The following NUP210L variants were observed in gnomAD, a reference collection of about 807,000 sequenced individuals.
NUP210L encodes the protein nucleoporin 210 like, also known as nuclear pore membrane glycoprotein 210-like.
In NUP210L, 74 loss-of-function variants were observed where a neutral mutation model predicts 208.5. That is an observed-to-expected ratio of 0.35 (90% CI 0.29 to 0.43). The LOEUF is 0.43. NUP210L is among the 20% of genes least tolerant of loss of function. NUP210L has a pLI of 1.00. For missense variants in NUP210L, 1,843 were observed against 2,289.4 expected (o/e 0.81, Z 3.98); for synonymous variants, 780 against 816.9 (o/e 0.95, Z 0.77).
intron 7 of NUP210L, among the ~76,000 whole-genome samples, chr1:154,134,667 G>C (rs1333285830): frequency 1.4e-5 from 2 of 140,618 alleles, no homozygotes; most frequent in Non-Finnish European, 3.0e-5. Context: ...AACCCCGGGG[G>C]CGGAGCCTGC....
chr1:154,092,062 T>C (rs1655947674), intron 15 of NUP210L, among the ~76,000 whole-genome samples: 1 of 148,546 alleles, frequency 6.7e-6, no homozygotes, highest in Admixed American at 6.8e-5. Flanking sequence ...GAAGCAGAAA[T>C]GGGGAGCCAT....
At chr1:154,119,607 CAAAA>C (rs1296833072) in intron 10 of NUP210L, among the ~76,000 whole-genome samples, 1 of 151,866 alleles carries the variant, frequency 6.6e-6, no homozygotes, top group East Asian at 1.9e-4. Flanking sequence ...AACAAACAAA[CAAAA>C]AACCAAATAA....
In NUP210L at chr1:154,151,821, G is replaced by A. The variant is rs1305107974; in HGVS notation, c.340+915C>T. 6.6e-5 allele frequency among the ~76,000 whole-genome samples: 10 copies of A among 152,104 alleles called. No individual in the cohort carries two copies. In the South Asian group the frequency reaches 1.9e-3, roughly 28 times the overall value. On this transcript the variant is annotated intron_variant, in intron 2 of 39. Transcript: ENST00000368559. ...GAGAAAATGCTGTCCGGGCACGGTG[G>A]CTCACACCTATAATCCCAGCACTTT...
chr1:154,062,567 CTTTT>C (rs34499821), intron 17 of NUP210L, among the ~76,000 whole-genome samples: 3 of 74,992 alleles, frequency 4.0e-5, no homozygotes, highest in African/African-American at 1.1e-4. Flanking sequence ...TTTCTTTTTC[CTTTT>C]TTTTTTTTTT....
intron 27 of NUP210L, among the ~76,000 whole-genome samples, chr1:154,034,769 T>C (rs776331627): frequency 2.2e-4 from 33 of 152,200 alleles, no homozygotes; most frequent in Non-Finnish European, 3.8e-4. Context: ...GGTTTTCCAA[T>C]TTATTGGCTC....
intron 27 of NUP210L, among the ~76,000 whole-genome samples, chr1:154,036,854 T>C (rs1196651609): frequency 6.6e-6 from 1 of 150,834 alleles, no homozygotes; most frequent in Non-Finnish European, 1.5e-5. Flanking sequence ...CCTCTGCCTC[T>C]TGGGGTCAAG....
At chr1:154,048,497 C>T (rs1427539732) in intron 25 of NUP210L, among the ~76,000 whole-genome samples, 2 of 152,130 alleles carry the variant, frequency 1.3e-5, no homozygotes, top group African/African-American at 4.8e-5. Flanking sequence ...AAAAGGAAAA[C>T]ATTGGACTAA....
intron 16 of NUP210L, among the ~76,000 whole-genome samples, chr1:154,089,000 T>A (rs979291540): frequency 1.3e-5 from 2 of 152,164 alleles, no homozygotes; most frequent in African/African-American, 4.8e-5. Flanking sequence ...ATATTGTTAA[T>A]AAAAGATTTG....
At chr1:154,142,689 G>A (rs3001362) in intron 3 of NUP210L, among the ~76,000 whole-genome samples, 62,472 of 150,776 alleles carry the variant, frequency 0.41, 13,601 homozygotes, top group Non-Finnish European at 0.5. Flanking sequence ...CCAGGAGTTC[G>A]AGACCAGCCT....
At chr1:154,105,451 T>C (rs1656706147) in intron 12 of NUP210L, among the ~76,000 whole-genome samples, 1 of 148,842 alleles carries the variant, frequency 6.7e-6, no homozygotes, top group Non-Finnish European at 1.5e-5. Flanking sequence ...ATCACGCCAC[T>C]GCACTCCAGC....
intron 33 of NUP210L, among the ~76,000 whole-genome samples, chr1:154,016,759 C>T (rs1651268999): frequency 6.6e-6 from 1 of 152,054 alleles, no homozygotes; most frequent in African/African-American, 2.4e-5. Context: ...GCATGGGCAA[C>T]ATGGTGAAAT....
chr1:154,035,749 G>A (rs1249033003), intron 27 of NUP210L, among the ~76,000 whole-genome samples: 3 of 147,236 alleles, frequency 2.0e-5, no homozygotes, highest in African/African-American at 7.5e-5. Context: ...TTTCTTTTTT[G>A]GGGGGATGGA....
intron 10 of NUP210L, among the ~76,000 whole-genome samples, chr1:154,120,625 A>G (rs906346023): frequency 4.0e-5 from 6 of 149,818 alleles, no homozygotes; most frequent in African/African-American, 1.5e-4. Context: ...TTAAAGTATA[A>G]TAATTAAAAA....
intron 10 of NUP210L, among the ~76,000 whole-genome samples, chr1:154,119,489 GAGAC>G (rs1657500641): frequency 6.6e-6 from 1 of 152,262 alleles, no homozygotes; most frequent in South Asian, 2.1e-4. Flanking sequence ...TTGGGAGGCT[GAGAC>G]AGGAGAATTG....
intron 27 of NUP210L, among the ~76,000 whole-genome samples, chr1:154,034,594 G>C (rs904544576): frequency 6.6e-6 from 1 of 152,190 alleles, no homozygotes; most frequent in African/African-American, 2.4e-5. Context: ...CTCCCAAAGT[G>C]CTGGGATTAC....
At chr1:154,025,455 C>A in intron 30 of NUP210L, 87 bp downstream of exon 30, 35 of 741,172 alleles carry the variant, frequency 4.7e-5, no homozygotes, top group East Asian at 9.5e-5. Context: ...AAGAAAATTT[C>A]TAGTTTTTTA....
chr1:154,075,613 G>A (rs987016533), intron 16 of NUP210L, among the ~76,000 whole-genome samples: 4 of 152,116 alleles, frequency 2.6e-5, no homozygotes, highest in South Asian at 2.1e-4. Context: ...ACCAGGGGAG[G>A]AGAAGAATCT....
In NUP210L at chr1:154,054,371, C is replaced by T. The variant is rs201147108; in HGVS notation, c.3340G>A (p.Val1114Ile). The T allele has an allele frequency of 2.8e-4, 448 of 1,613,978 alleles. 1 individual carries two copies. Among genetic ancestry groups the T allele is most frequent in the East Asian group, 7.1e-4 (32 of 44,896 alleles). ...GTCTGATTACTGATGGAGAAGTGAACGATGGATTGGGGCTGGGGGCCACCT... is the reference window on the plus strand; with the variant it reads ...GTCTGATTACTGATGGAGAAGTGAATGATGGATTGGGGCTGGGGGCCACCT... The change falls in exon 25 of 40, where the codon GTT (valine) becomes ATT (isoleucine). Residue 1114 changes from valine to isoleucine, a missense_variant. Val to Ile is a conservative substitution (Grantham distance 29). Around this residue, in one of 5 missense-constraint regions of NUP210L, gnomAD observed 781 missense variants for 973.8 expected, o/e 0.80. Transcript: ENST00000368559.
At chr1:154,082,996 G>T (rs1358058273) in intron 16 of NUP210L, among the ~76,000 whole-genome samples, 1 of 152,174 alleles carries the variant, frequency 6.6e-6, no homozygotes, top group Non-Finnish European at 1.5e-5. Flanking sequence ...CTCCAGGAGT[G>T]AAGCTGCAGA....
Sources: allele counts gnomAD v4.1 joint callset (sites outside exome capture counted in the v4.1 genomes callset), GRCh38; gene constraint gnomAD v4.1.1; regional missense constraint gnomAD v4.1.1; transcripts MANE v1.5; gene names NCBI Gene and HGNC (gene_info 2026-07-23, HGNC 2026-07-21).